KCNIP1: variants seen among roughly 807,000 people sequenced by gnomAD.
The protein encoded by KCNIP1 is potassium voltage-gated channel interacting protein 1.
A neutral mutation model predicts 33.0 loss-of-function variants in KCNIP1; 18 were observed. The observed-to-expected ratio is 0.55, with a 90% confidence interval of 0.38 to 0.81. The LOEUF (loss-of-function observed/expected upper bound fraction) is 0.81, where lower values mean the gene tolerates loss of function less well. KCNIP1 is among the 30% of genes least tolerant of loss of function. The pLI, the probability that KCNIP1 is intolerant of heterozygous loss-of-function variation, is 0.00. For missense variants in KCNIP1, 238 were observed against 271.6 expected (o/e 0.88, Z 0.87); for synonymous variants, 93 against 98.3 (o/e 0.95, Z 0.32).
Position 170,594,352 on chromosome 5 carries a change from C to T in KCNIP1, c.61+89719C>T, listed in dbSNP as rs186154371. On this transcript the variant is annotated intron_variant, in intron 1 of 7. Transcript: ENST00000328939. ...CCCATCTTGGGTATGTCTGTCCTCACCTTGGGTAGAAAGAGATGGTATTTG... is the reference window on the plus strand; with the variant it reads ...CCCATCTTGGGTATGTCTGTCCTCATCTTGGGTAGAAAGAGATGGTATTTG... 3.9e-5 allele frequency among the ~76,000 whole-genome samples: 6 copies of T among 152,234 alleles called. No homozygotes were observed. In the East Asian group the frequency reaches 1.2e-3, roughly 29 times the overall value.
At chr5:170,374,777 A>AT (rs1263348357) in intron 1 of KCNIP1, 5 of 152,194 alleles carry the variant, frequency 3.3e-5, no homozygotes, top group Non-Finnish European at 7.3e-5. Flanking sequence ...TCATGCCTAA[A>AT]TTCCCATTAT....
At chr5:170,498,819 T>C (rs1426827732) in intron 1 of KCNIP1, among the ~76,000 whole-genome samples, 1 of 152,068 alleles carries the variant, frequency 6.6e-6, no homozygotes, top group Non-Finnish European at 1.5e-5. Context: ...CTCACAACAA[T>C]CCCCTGACAT....
At chr5:170,412,907 C>T (rs752245871) in intron 1 of KCNIP1, among the ~76,000 whole-genome samples, 32 of 152,132 alleles carry the variant, frequency 2.1e-4, no homozygotes, top group African/African-American at 6.8e-4. Context: ...ACACACCTGC[C>T]GCCCCAGGCA....
intron 1 of KCNIP1, among the ~76,000 whole-genome samples, chr5:170,537,628 A>C (rs1011282966): frequency 3.3e-5 from 5 of 152,186 alleles, no homozygotes; most frequent in African/African-American, 1.2e-4. Context: ...TGTTCATGAC[A>C]CAGGCGGAGA....
intron 1 of KCNIP1, among the ~76,000 whole-genome samples, chr5:170,541,269 T>A (rs1206738888): frequency 2.0e-5 from 3 of 152,208 alleles, no homozygotes; most frequent in Non-Finnish European, 4.4e-5. Context: ...CCCATAGCCA[T>A]CTGTCTGTCC....
At chr5:170,551,774 A>G (rs779166356) in intron 1 of KCNIP1, among the ~76,000 whole-genome samples, 1 of 151,430 alleles carries the variant, frequency 6.6e-6, no homozygotes, top group African/African-American at 2.4e-5. Flanking sequence ...TAGGTGTATG[A>G]ATGTGAGTGT....
At chr5:170,430,224 G>A (rs76842042) in intron 1 of KCNIP1, among the ~76,000 whole-genome samples, 4,863 of 152,310 alleles carry the variant, frequency 0.032, 90 homozygotes, top group Non-Finnish European at 0.044. Flanking sequence ...GGACCCAATA[G>A]GGGCTTTTCA....
rs146595452 is a variant in KCNIP1, at chr5:170,621,504, C to T, written c.62-97254C>T. On this transcript the variant is annotated intron_variant, in intron 1 of 7. Coordinates refer to ENST00000328939, the MANE Select transcript of KCNIP1 (RefSeq NM_014592.4). ...ATCTCTGCAGGTCAGTCATACTCCT[C>T]TTTATTATTTTTATTTTTATTTATG... Among the ~76,000 whole-genome samples, 171 of 152,188 alleles carry T rather than the reference C, an allele frequency of 1.1e-3. 1 individual carries two copies. Among genetic ancestry groups the T allele is most frequent in the African/African-American group, 3.8e-3 (157 of 41,520 alleles).
At chr5:170,657,292 A>G (rs975567535) in intron 1 of KCNIP1, among the ~76,000 whole-genome samples, 1 of 152,230 alleles carries the variant, frequency 6.6e-6, no homozygotes, top group Admixed American at 6.5e-5. Flanking sequence ...CACCATGCCC[A>G]GCCAACTCAG....
chr5:170,577,627 A>G (rs749708685), intron 1 of KCNIP1, among the ~76,000 whole-genome samples: 2 of 152,238 alleles, frequency 1.3e-5, no homozygotes, highest in African/African-American at 2.4e-5. Context: ...GTGTTTTCTC[A>G]GGTGCTCTAA....
rs1166966012 is a variant in KCNIP1 at position 170,393,430 on chromosome 5, G to A, written c.88+39466G>A. On this transcript the variant is annotated intron_variant, in intron 1 of 7. Coordinates refer to the KCNIP1 transcript ENST00000377360. ...GGTGTTAGTCACTCTCAGTCCTAGCGAAGCTGTGCGTTCACAGACATCCCA... is the reference window on the plus strand; with the variant it reads ...GGTGTTAGTCACTCTCAGTCCTAGCAAAGCTGTGCGTTCACAGACATCCCA... Among the ~76,000 whole-genome samples the A allele has an allele frequency of 3.3e-5, 5 of 152,298 alleles. No individual in the cohort carries two copies. In the South Asian group the frequency reaches 8.3e-4, roughly 25 times the overall value.
At chr5:170,578,457 C>G (rs1581350717) in intron 1 of KCNIP1, among the ~76,000 whole-genome samples, 1 of 151,884 alleles carries the variant, frequency 6.6e-6, no homozygotes, top group Non-Finnish European at 1.5e-5. Flanking sequence ...CGAGAACAGG[C>G]CTATGGCCCT....
intron 1 of KCNIP1, among the ~76,000 whole-genome samples, chr5:170,474,393 AC>A (rs1756804301): frequency 6.6e-6 from 1 of 152,126 alleles, no homozygotes; most frequent in African/African-American, 2.4e-5. Flanking sequence ...CGCCCCCCAT[AC>A]CTATGCAAGT....
In KCNIP1 at chr5:170,504,184, C is replaced by T; in HGVS notation, c.-389C>T. The T allele has an allele frequency of 3.9e-6, 4 of 1,016,978 alleles. No individual in the cohort carries two copies. The highest frequency in any genetic ancestry group is 4.7e-6 in the Non-Finnish European group (4 of 851,454). The allele number at this position is 1,016,978 out of a possible 1,614,324, so 63.0% of individuals were successfully genotyped here. The stretch of plus-strand genomic sequence containing the variant: ...CCGAGTGTGCGGCAGGAGGGGCGGG[C>T]GGACGGCGGCTCCCGCACCGCACGC... On this transcript the variant is annotated 5_prime_UTR_variant, in exon 1 of 8. Coordinates refer to ENST00000328939, the MANE Select transcript of KCNIP1 (RefSeq NM_014592.4). This position sits in a 1 kb window ranked among gnomAD's most constrained non-coding sequence, Gnocchi z 6.0.
Position 170,722,803 on chromosome 5 carries a change from G to C in KCNIP1, c.418G>C (p.Gly140Arg). The C allele has an allele frequency of 6.2e-7, 1 of 1,611,988 alleles. No homozygotes were observed. The highest frequency in any genetic ancestry group is 1.1e-5 in the South Asian group (1 of 90,988). ...TFNLYDINKDGYINKEEMMDI... is the reference protein window; with the variant it reads ...TFNLYDINKDRYINKEEMMDI... ...TAATTTGTATGACATCAACAAGGAC[G>C]GATACATAAACAAAGAGGTAAGTGA... The change falls in exon 5 of 8, where the codon GGA becomes CGA. Residue 140 changes from glycine to arginine, a missense_variant. Transcript: ENST00000328939.
At chr5:170,460,560 C>T (rs1335250145) in intron 1 of KCNIP1, among the ~76,000 whole-genome samples, 9 of 152,142 alleles carry the variant, frequency 5.9e-5, no homozygotes, top group Admixed American at 2.0e-4. Context: ...AAATGTGATA[C>T]ACCACATAAA....
Position 170,718,682 on chromosome 5 carries a change from T to C in KCNIP1, c.62-76T>C, listed in dbSNP as rs568805596. 1.9e-5 allele frequency: 30 copies of C among 1,580,882 alleles called. No homozygotes were observed. The South Asian group carries it at 3.1e-4, about 16-fold the overall frequency. On this transcript the variant is annotated intron_variant, in intron 1 of 7. Coordinates refer to ENST00000328939, the MANE Select transcript of KCNIP1 (RefSeq NM_014592.4). ...GATCCCAGGTCGTGACACCACTCTTTTGACAGCCCAGATTGTTACCTAACA... is the reference window on the plus strand; with the variant it reads ...GATCCCAGGTCGTGACACCACTCTTCTGACAGCCCAGATTGTTACCTAACA...
intron 1 of KCNIP1, among the ~76,000 whole-genome samples, chr5:170,419,361 C>G (rs2113423571): frequency 6.6e-6 from 1 of 152,246 alleles, no homozygotes; most frequent in Middle Eastern, 3.4e-3. Context: ...AAGTAAACAC[C>G]AAATATTCCC....
At chr5:170,415,674 A>G (rs1755308560) in intron 1 of KCNIP1, among the ~76,000 whole-genome samples, 1 of 152,134 alleles carries the variant, frequency 6.6e-6, no homozygotes, top group South Asian at 2.1e-4. Context: ...CTCTCTGATC[A>G]TTCCCTGGTG....
Sources: allele counts gnomAD v4.1 joint callset (sites outside exome capture counted in the v4.1 genomes callset), GRCh38; gene constraint gnomAD v4.1.1; non-coding constraint Gnocchi (gnomAD v3.1); transcripts MANE v1.5; gene names NCBI Gene and HGNC (gene_info 2026-07-23, HGNC 2026-07-21).